ZBTB7C: variants seen among roughly 807,000 people sequenced by gnomAD.
The protein encoded by ZBTB7C is zinc finger and BTB domain-containing protein 7C.
ZBTB7C carries 8 observed loss-of-function variants against 25.7 expected under a neutral mutation model. The ratio of observed to expected loss-of-function variants is 0.31; its 90% confidence interval spans 0.18 to 0.56. The LOEUF (loss-of-function observed/expected upper bound fraction) is 0.56. Ranked by LOEUF, ZBTB7C falls within the 20% of genes least tolerant of loss-of-function variation. The pLI is 0.91. For synonymous variants in ZBTB7C, 394 were observed against 369.0 expected, an observed-to-expected ratio of 1.07 and a Z score of -0.78; for missense variants, 824 against 855.2, an observed-to-expected ratio of 0.96 and a Z score of 0.46.
intron 2 of ZBTB7C, among the ~76,000 whole-genome samples, chr18:48,280,818 C>T (rs1163185701): frequency 6.6e-6 from 1 of 151,420 alleles, no homozygotes; most frequent in Non-Finnish European, 1.5e-5. Context: ...GATTTAAGCA[C>T]CAGCTTTCCT....
intron 3 of ZBTB7C, among the ~76,000 whole-genome samples, chr18:48,182,617 C>A (rs987547797): frequency 3.3e-5 from 5 of 152,166 alleles, no homozygotes; most frequent in African/African-American, 9.7e-5. Context: ...CCTGTTTCAG[C>A]CCCTTCTACC....
chr18:48,217,043 G>A (rs2042840914), intron 2 of ZBTB7C, among the ~76,000 whole-genome samples: 1 of 152,174 alleles, frequency 6.6e-6, no homozygotes. Context: ...TGAAGCCAAG[G>A]AGTGCCACAG....
intron 2 of ZBTB7C, among the ~76,000 whole-genome samples, chr18:48,274,208 C>G (rs1220585019): frequency 6.6e-6 from 1 of 152,224 alleles, no homozygotes; most frequent in Non-Finnish European, 1.5e-5. Context: ...CTACTCCAGA[C>G]TACCTCTCAA....
chr18:48,389,232 CTCTCGT>C (rs1264017666), intron 1 of ZBTB7C, among the ~76,000 whole-genome samples: 927 of 61,446 alleles, frequency 0.015, 3 homozygotes, highest in Middle Eastern at 0.031. Context: ...CTCTCTCTCT[CTCTCGT>C]GTGTGTGTGT....
At chr18:48,302,715 C>T (rs2045574666) in intron 2 of ZBTB7C, among the ~76,000 whole-genome samples, 1 of 152,192 alleles carries the variant, frequency 6.6e-6, no homozygotes, top group Non-Finnish European at 1.5e-5. Context: ...AACATCCCTC[C>T]ACAAAGGCCT....
In ZBTB7C at chr18:48,112,462, C is replaced by G. The variant is rs553835669; in HGVS notation, c.-16-71339G>C. On this transcript the variant is annotated intron_variant, in intron 3 of 4. Coordinates refer to ENST00000590800, the MANE Select transcript of ZBTB7C (RefSeq NM_001318841.2). Reference sequence around the variant, plus strand: ...TCCTGGGTTCAAGCGATTCTCCTGCCTCAGCCTCCTGAGTAGCTGGGACTC... The same window carrying G: ...TCCTGGGTTCAAGCGATTCTCCTGCGTCAGCCTCCTGAGTAGCTGGGACTC... Among the ~76,000 whole-genome samples, 23 of 152,130 alleles carry G rather than the reference C, an allele frequency of 1.5e-4. No homozygotes were observed. The South Asian group carries it at 3.5e-3, about 23-fold the overall frequency.
chr18:48,288,296 T>C (rs760289962), intron 2 of ZBTB7C, among the ~76,000 whole-genome samples: 17 of 152,158 alleles, frequency 1.1e-4, no homozygotes, highest in Non-Finnish European at 1.8e-4. Flanking sequence ...GTGGGGACTT[T>C]GGGAAGTGAT....
At position 48,367,192 on chromosome 18, in the gene ZBTB7C, TATATATATATACACACACAC is replaced by T. The variant is rs1179404619; in HGVS notation, c.-303-28814_-303-28795del. ...CCCAAGTTTTATATATATATATATA[TATATATATATACACACACAC>T]ACACACACACACACACACACATACA... On this transcript the variant is annotated intron_variant, in intron 1 of 4. Coordinates refer to ENST00000590800, the MANE Select transcript of ZBTB7C (RefSeq NM_001318841.2). 1.7e-4 allele frequency among the ~76,000 whole-genome samples: 9 copies of T among 53,518 alleles called. 1 individual carries two copies. The highest frequency in any genetic ancestry group is 2.2e-4 in the Non-Finnish European group (6 of 26,750). 35.1% of individuals were successfully genotyped at this position (53,518 alleles called of 152,430 possible).
At chr18:48,155,016 A>G (rs961692470) in intron 3 of ZBTB7C, among the ~76,000 whole-genome samples, 8 of 152,240 alleles carry the variant, frequency 5.3e-5, no homozygotes, top group African/African-American at 1.4e-4. Flanking sequence ...GAGCTGGTGC[A>G]TAACTGAATT....
chr18:48,034,067 T>C (rs2035869089), intron 4 of ZBTB7C, among the ~76,000 whole-genome samples: 2 of 152,174 alleles, frequency 1.3e-5, no homozygotes, highest in Admixed American at 1.3e-4. Context: ...GGAAGCAGCG[T>C]GAGTTTAGCT....
chr18:48,297,034 CCCCCA>C (rs986312283), intron 2 of ZBTB7C, among the ~76,000 whole-genome samples: 1 of 152,096 alleles, frequency 6.6e-6, no homozygotes, highest in Non-Finnish European at 1.5e-5. Context: ...GGAACAGTTT[CCCCCA>C]CCCCACCCCG....
At chr18:48,082,145 T>C (rs2144492280) in intron 3 of ZBTB7C, among the ~76,000 whole-genome samples, 1 of 152,256 alleles carries the variant, frequency 6.6e-6, no homozygotes, top group South Asian at 2.1e-4. Flanking sequence ...TGAGTTGAAA[T>C]TAAAACAGTC....
chr18:48,106,439 A>T (rs2144640106), intron 3 of ZBTB7C, among the ~76,000 whole-genome samples: 1 of 147,260 alleles, frequency 6.8e-6, no homozygotes, highest in East Asian at 2.1e-4. Flanking sequence ...AAAGGACCCA[A>T]ACCCTATTAT....
chr18:48,041,695 C>T (rs1358002351), intron 3 of ZBTB7C, among the ~76,000 whole-genome samples: 2 of 151,950 alleles, frequency 1.3e-5, no homozygotes, highest in African/African-American at 2.4e-5. Flanking sequence ...TGACCTTACT[C>T]GTTCATTGCA....
chr18:48,305,290 A>G (rs1162213731), intron 2 of ZBTB7C, among the ~76,000 whole-genome samples: 1 of 152,176 alleles, frequency 6.6e-6, no homozygotes, highest in Non-Finnish European at 1.5e-5. Context: ...CCTTCTGAAG[A>G]GGCCAGAGCT....
At chr18:48,236,620 C>A (rs1427383229) in intron 2 of ZBTB7C, among the ~76,000 whole-genome samples, 2 of 152,054 alleles carry the variant, frequency 1.3e-5, no homozygotes, top group East Asian at 1.9e-4. Context: ...ACTGGCAGAC[C>A]CTCCTAAAGC....
intron 1 of ZBTB7C, among the ~76,000 whole-genome samples, chr18:48,364,918 A>G (rs926673966): frequency 1.3e-5 from 2 of 152,200 alleles, no homozygotes; most frequent in African/African-American, 4.8e-5. Context: ...TGGCCAGCTT[A>G]CTAAACACAG....
intron 2 of ZBTB7C, among the ~76,000 whole-genome samples, chr18:48,226,660 G>A (rs1481548139): frequency 2.0e-5 from 3 of 152,206 alleles, no homozygotes; most frequent in Non-Finnish European, 4.4e-5. Flanking sequence ...AGCAGTACAT[G>A]TTCACTGACA....
At chr18:48,041,776 T>C (rs535075371) in intron 3 of ZBTB7C, among the ~76,000 whole-genome samples, 1 of 152,292 alleles carries the variant, frequency 6.6e-6, no homozygotes, top group African/African-American at 2.4e-5. Context: ...CCTATATGTG[T>C]ATATCTGAGA....
Sources: allele counts gnomAD v4.1 joint callset (sites outside exome capture counted in the v4.1 genomes callset), GRCh38; gene constraint gnomAD v4.1.1; transcripts MANE v1.5; gene names NCBI Gene and HGNC (gene_info 2026-07-23, HGNC 2026-07-21).